The following TXNDC16 variants were observed in gnomAD, a reference collection of about 807,000 sequenced individuals.
TXNDC16 encodes thioredoxin domain containing 16.
TXNDC16 carries 74 observed loss-of-function variants against 85.6 expected under a neutral mutation model. That is an observed-to-expected ratio of 0.86 (90% CI 0.72 to 1.05). The LOEUF (loss-of-function observed/expected upper bound fraction) is 1.05. Ranked by LOEUF, TXNDC16 falls within the 50% of genes least tolerant of loss-of-function variation. The pLI is 0.00. For missense variants in TXNDC16, 959 were observed against 947.0 expected (o/e 1.01, Z -0.17); for synonymous variants, 335 against 326.5 (o/e 1.03, Z -0.28).
At chr14:52,462,342 C>T (rs982041999) in intron 16 of TXNDC16, among the ~76,000 whole-genome samples, 1 of 152,202 alleles carries the variant, frequency 6.6e-6, no homozygotes, top group African/African-American at 2.4e-5. Flanking sequence ...ATTAGACAGA[C>T]TCTCACTCCA....
chr14:52,528,694 T>C (rs1343177161), intron 6 of TXNDC16, among the ~76,000 whole-genome samples: 1 of 150,722 alleles, frequency 6.6e-6, no homozygotes, highest in African/African-American at 2.4e-5. Context: ...ATAAGTGAAA[T>C]ACTATTTTGT....
intron 1 of TXNDC16, among the ~76,000 whole-genome samples, chr14:52,550,448 C>A (rs2038020994): frequency 6.6e-6 from 1 of 152,164 alleles, no homozygotes; most frequent in South Asian, 2.1e-4. Context: ...CCCTTTAGAG[C>A]CTTTTCAAAG....
chr14:52,505,062 T>C (rs1281019976), intron 9 of TXNDC16, among the ~76,000 whole-genome samples: 1 of 152,102 alleles, frequency 6.6e-6, no homozygotes, highest in Non-Finnish European at 1.5e-5. Context: ...AGTAACCAGA[T>C]TCATAAAGCA....
Position 52,440,549 on chromosome 14 carries a change from T to A in TXNDC16, c.2003+15A>T. 6.5e-7 allele frequency: 1 copy of A among 1,541,036 alleles called. No individual in the cohort carries two copies. The highest frequency in any genetic ancestry group is 8.7e-7 in the Non-Finnish European group (1 of 1,148,264). On this transcript the variant is annotated intron_variant, in intron 19 of 20. Transcript: ENST00000281741. The stretch of plus-strand genomic sequence containing the variant: ...TCTTTACCTCTTACATATTAAAAAA[T>A]AAACACATACTTACAGATTTAACCA...
chr14:52,496,339 T>C (rs2036532146), intron 9 of TXNDC16, among the ~76,000 whole-genome samples: 1 of 151,868 alleles, frequency 6.6e-6, no homozygotes, highest in South Asian at 2.1e-4. Context: ...GCCAGTTCCT[T>C]GACTAGGGCT....
intron 6 of TXNDC16, among the ~76,000 whole-genome samples, chr14:52,526,820 G>A (rs903530850): frequency 6.6e-6 from 1 of 152,218 alleles, no homozygotes; most frequent in African/African-American, 2.4e-5. Context: ...AGTCTCTGAG[G>A]AGGAGCGAGG....
At chr14:52,522,717 T>G (rs1209511415) in intron 6 of TXNDC16, among the ~76,000 whole-genome samples, 1 of 152,206 alleles carries the variant, frequency 6.6e-6, no homozygotes, top group Non-Finnish European at 1.5e-5. Context: ...GTCTAACCTT[T>G]GAGTCCAGTT....
At chr14:52,469,432 A>T (rs1016308855) in intron 16 of TXNDC16, among the ~76,000 whole-genome samples, 1 of 152,214 alleles carries the variant, frequency 6.6e-6, no homozygotes, top group Admixed American at 6.5e-5. Flanking sequence ...CATGAAGAAT[A>T]TCAATACATC....
intron 18 of TXNDC16, among the ~76,000 whole-genome samples, chr14:52,442,504 G>A (rs2035190172): frequency 1.3e-5 from 2 of 152,118 alleles, no homozygotes; most frequent in South Asian, 4.1e-4. Context: ...ATCCTGAAGT[G>A]CCAAATTCTG....
intron 1 of TXNDC16, among the ~76,000 whole-genome samples, chr14:52,547,887 G>A (rs572147273): frequency 1.3e-5 from 2 of 152,332 alleles, no homozygotes; most frequent in East Asian, 3.9e-4. Flanking sequence ...ATTTGTTGAC[G>A]AGAGACTGTT....
intron 6 of TXNDC16, among the ~76,000 whole-genome samples, chr14:52,526,928 G>A (rs967359133): frequency 6.6e-6 from 1 of 152,220 alleles, no homozygotes; most frequent in Non-Finnish European, 1.5e-5. Flanking sequence ...GGCTTGAAGA[G>A]CTTCCAGATA....
At chr14:52,512,583 A>G (rs549978970) in intron 8 of TXNDC16, among the ~76,000 whole-genome samples, 2 of 152,324 alleles carry the variant, frequency 1.3e-5, no homozygotes, top group African/African-American at 2.4e-5. Flanking sequence ...GCTGGACTCC[A>G]TAACACAGCC....
At position 52,536,730 on chromosome 14, in the gene TXNDC16, G is replaced by T; in HGVS notation, c.381C>A (p.Ala127=). The T allele has an allele frequency of 6.2e-7, 1 of 1,610,256 alleles. No individual in the cohort carries two copies. The highest frequency in any genetic ancestry group is 8.5e-7 in the Non-Finnish European group (1 of 1,177,752). Residue 127 remains alanine (A), a synonymous_variant, in exon 6 of 21, where the codon GCC becomes GCA. Transcript: ENST00000281741. ...DTLFDVNAIV[A]HVLFALLFSE... ...GCCCCTGTACTTACAAGAGAACATG[G>T]GCGACAATGGCATTCACATCAAACA...
At position 52,544,301 on chromosome 14, in the gene TXNDC16, T is replaced by C. The variant is rs1315081798; in HGVS notation, c.-111A>G. Reference sequence around the variant, plus strand: ...CTCTGTATCTGCTGTTAATTCTTTATTTTCTATTTTGCTACTTTCAAATTT... The same window carrying C: ...CTCTGTATCTGCTGTTAATTCTTTACTTTCTATTTTGCTACTTTCAAATTT... On this transcript the variant is annotated 5_prime_UTR_variant, in exon 2 of 21. Coordinates refer to ENST00000281741, the MANE Select transcript of TXNDC16 (RefSeq NM_020784.3). 1 of 152,124 alleles carries C rather than the reference T, an allele frequency of 6.6e-6. No homozygotes were observed. The highest frequency in any genetic ancestry group is 1.5e-5 in the Non-Finnish European group (1 of 67,950). 9.4% of individuals were successfully genotyped at this position (152,124 alleles called of 1,614,324 possible).
chr14:52,491,138 T>C, intron 9 of TXNDC16, 133 bp from the exon 10 acceptor site: 1 of 1,025,124 alleles, frequency 9.8e-7, no homozygotes, highest in Non-Finnish European at 1.4e-6. Flanking sequence ...ACAGAAACGA[T>C]CTCTTAATTC....
At position 52,430,683 on chromosome 14, in the gene TXNDC16, T is replaced by A. The variant is rs189732900; in HGVS notation, c.*1621A>T. 6.6e-6 allele frequency: 1 copy of A among 152,354 alleles called. No individual in the cohort carries two copies. 9.4% of individuals were successfully genotyped at this position (152,354 alleles called of 1,614,324 possible). On this transcript the variant is annotated 3_prime_UTR_variant, in exon 21 of 21. Transcript: ENST00000281741. ...TGACAAAGGTACAATGACTAAGCAA[T>A]TTCATGTTTCTATGTGCTGGTACTT...
At chr14:52,442,018 G>C (rs538656189) in intron 18 of TXNDC16, among the ~76,000 whole-genome samples, 18 of 152,196 alleles carry the variant, frequency 1.2e-4, no homozygotes, top group Non-Finnish European at 2.4e-4. Context: ...AAAACTTTGA[G>C]CAAAGCACTC....
intron 16 of TXNDC16, among the ~76,000 whole-genome samples, chr14:52,459,532 C>A (rs2035607545): frequency 6.6e-6 from 1 of 152,230 alleles, no homozygotes; most frequent in South Asian, 2.1e-4. Flanking sequence ...GAAACTATTC[C>A]CAAAAATTAA....
chr14:52,479,925 G>T (rs562898756), intron 14 of TXNDC16, among the ~76,000 whole-genome samples: 197 of 151,846 alleles, frequency 1.3e-3, no homozygotes, highest in Admixed American at 3.0e-3. Context: ...AAACTATAAG[G>T]CCAGAGTCAC....
Sources: allele counts gnomAD v4.1 joint callset (sites outside exome capture counted in the v4.1 genomes callset), GRCh38; gene constraint gnomAD v4.1.1; transcripts MANE v1.5; gene names NCBI Gene and HGNC (gene_info 2026-07-23, HGNC 2026-07-21).